Variants in CAPN13 observed in about 807,000 individuals in gnomAD.
The protein encoded by CAPN13 is calpain 13, also known as calpain-13.
CAPN13 carries 90 observed loss-of-function variants against 98.4 expected under a neutral mutation model. The observed-to-expected ratio is 0.92, with a 90% CI of 0.77 to 1.09. The LOEUF (loss-of-function observed/expected upper bound fraction) is 1.09. Among genes scored for constraint, CAPN13 ranks in the 50% least tolerant of loss-of-function variants. CAPN13 has a pLI of 0.00. For synonymous variants in CAPN13, 330 were observed against 305.5 expected (o/e 1.08, Z -0.84); for missense variants, 887 against 841.3 (o/e 1.05, Z -0.67).
At chr2:30,785,524 G>T (rs1674228717) in intron 2 of CAPN13, among the ~76,000 whole-genome samples, 1 of 152,168 alleles carries the variant, frequency 6.6e-6, no homozygotes, top group Non-Finnish European at 1.5e-5. Context: ...GGGAAAAGCA[G>T]ATTCGGCCCC....
intron 13 of CAPN13, among the ~76,000 whole-genome samples, chr2:30,742,897 T>C (rs778368071): frequency 6.6e-6 from 1 of 152,094 alleles, no homozygotes; most frequent in Non-Finnish European, 1.5e-5. Flanking sequence ...ATACCCCACA[T>C]TTCAGGCCAT....
chr2:30,781,551 A>G (rs1223901314), intron 2 of CAPN13, among the ~76,000 whole-genome samples: 2 of 152,162 alleles, frequency 1.3e-5, no homozygotes, highest in African/African-American at 4.8e-5. Flanking sequence ...TCAGGGCCTA[A>G]ACAGAAAAAA....
rs777881103 is a variant in CAPN13, at chr2:30,753,050, T to C, written c.1087+3A>G. 2.8e-5 allele frequency: 45 copies of C among 1,613,742 alleles called. No individual in the cohort carries two copies. The highest frequency in any genetic ancestry group is 3.6e-5 in the Non-Finnish European group (42 of 1,179,816). On this transcript the variant is annotated splice_donor_region_variant and intron_variant, in intron 10 of 22. Transcript: ENST00000295055. ...GCAGTGTGACCACCAGCGTCATGAT[T>C]ACCTGCAGTGTTTCCTAGAATCACT...
intron 3 of CAPN13, 23 bp downstream of exon 3, chr2:30,777,544 G>A: frequency 6.4e-7 from 1 of 1,555,310 alleles, no homozygotes; most frequent in Admixed American, 1.9e-5. Flanking sequence ...CCAGGGCACG[G>A]AGGGAAGATG....
At position 30,734,392 on chromosome 2, in the gene CAPN13, G is replaced by A. The variant is rs1406041317; in HGVS notation, c.1798+57C>T. On this transcript the variant is annotated intron_variant, in intron 19 of 22. Transcript: ENST00000295055. ...GTGCCAGCCTTGCTACTAGGGGTGT[G>A]GGCATCACCCCCCTCCCCGGACCTT... The A allele has an allele frequency of 2.9e-6, 4 of 1,358,024 alleles. No homozygotes were observed. In the African/African-American group the frequency reaches 5.7e-5, roughly 19 times the overall value. 84.1% of individuals were successfully genotyped at this position (1,358,024 alleles called of 1,614,324 possible).
At chr2:30,736,734 G>A in intron 17 of CAPN13, 163 bp from the exon 18 acceptor site, 1 of 629,500 alleles carries the variant, frequency 1.6e-6, no homozygotes, top group Non-Finnish European at 2.8e-6. Context: ...TGTCTGAAAG[G>A]GACCTGGCTT....
chr2:30,733,627 C>A (rs114982428), intron 19 of CAPN13, among the ~76,000 whole-genome samples: 1 of 152,006 alleles, frequency 6.6e-6, no homozygotes. Context: ...TTAACGAGCC[C>A]TGAAGAGTCC....
intron 7 of CAPN13, among the ~76,000 whole-genome samples, chr2:30,759,850 C>T (rs1672746657): frequency 6.6e-6 from 1 of 152,160 alleles, no homozygotes; most frequent in African/African-American, 2.4e-5. Context: ...CTGGTCAATT[C>T]CCATGCTCAG....
intron 1 of CAPN13, among the ~76,000 whole-genome samples, chr2:30,802,503 A>T: frequency 7.1e-6 from 1 of 141,704 alleles, no homozygotes. Context: ...GTGAATGTAA[A>T]CGTGTCTAAG....
intron 1 of CAPN13, among the ~76,000 whole-genome samples, chr2:30,787,887 C>A (rs568548962): frequency 9.2e-5 from 14 of 152,148 alleles, no homozygotes; most frequent in African/African-American, 3.4e-4. Flanking sequence ...GGGGCATGAT[C>A]AGATCTGTAC....
chr2:30,775,191 G>C (rs1673620577), intron 4 of CAPN13, among the ~76,000 whole-genome samples: 1 of 152,210 alleles, frequency 6.6e-6, no homozygotes, highest in Admixed American at 6.5e-5. Context: ...ATGGTAAGTA[G>C]TAGCTTTTCT....
intron 12 of CAPN13, among the ~76,000 whole-genome samples, chr2:30,744,818 T>C (rs1021595477): frequency 6.6e-6 from 1 of 152,146 alleles, no homozygotes; most frequent in African/African-American, 2.4e-5. Context: ...CTGACTCTAG[T>C]TCTAGGGATG....
At chr2:30,763,982 G>A (rs750782104) in intron 6 of CAPN13, 150 bp downstream of exon 6, 1 of 745,108 alleles carries the variant, frequency 1.3e-6, no homozygotes, top group Non-Finnish European at 2.2e-6. Flanking sequence ...CTACTGCAGG[G>A]TTCAATGGGG....
In CAPN13 at chr2:30,727,515, A is replaced by G. The variant is rs575316106; in HGVS notation, c.*30+3215T>C. 4.8e-4 allele frequency among the ~76,000 whole-genome samples: 73 copies of G among 152,296 alleles called. 3 individuals are homozygous for G. The South Asian group carries it at 0.015, about 31-fold the overall frequency. On this transcript the variant is annotated intron_variant, in intron 22 of 22. Coordinates refer to ENST00000295055, the MANE Select transcript of CAPN13 (RefSeq NM_144575.3). Reference sequence around the variant, plus strand: ...TAAAAATGGACAAAGAACTAAATGAACATTTCGCCGAAGATATAAAATAAC... The same window carrying G: ...TAAAAATGGACAAAGAACTAAATGAGCATTTCGCCGAAGATATAAAATAAC...
intron 11 of CAPN13, among the ~76,000 whole-genome samples, chr2:30,750,052 T>A (rs1479729330): frequency 6.6e-6 from 1 of 152,148 alleles, no homozygotes; most frequent in East Asian, 1.9e-4. Flanking sequence ...AGACATGGAA[T>A]CAACCTAAAT....
At chr2:30,728,372 G>C (rs533682237) in intron 22 of CAPN13, among the ~76,000 whole-genome samples, 2 of 152,192 alleles carry the variant, frequency 1.3e-5, no homozygotes, top group Admixed American at 6.5e-5. Context: ...CTACAACCAA[G>C]TGTGTTGAAT....
At chr2:30,776,717 G>T (rs1444393247) in intron 3 of CAPN13, among the ~76,000 whole-genome samples, 1 of 152,108 alleles carries the variant, frequency 6.6e-6, no homozygotes, top group East Asian at 1.9e-4. Flanking sequence ...AAGCCCTTTT[G>T]AGCCTCTCCT....
chr2:30,802,030 A>G (rs17010338), intron 1 of CAPN13, among the ~76,000 whole-genome samples: 6,851 of 152,250 alleles, frequency 0.045, 549 homozygotes, highest in African/African-American at 0.16. Flanking sequence ...AAAGGACAGT[A>G]GAGCCGGCTG....
At chr2:30,757,984 A>T in intron 8 of CAPN13, 62 bp downstream of exon 8, 1 of 1,279,484 alleles carries the variant, frequency 7.8e-7, no homozygotes, top group South Asian at 1.4e-5. Flanking sequence ...TCTCATGGGC[A>T]GGAGGCTCTA....
Sources: gnomAD v4.1 joint callset for allele counts (sites outside exome capture counted in the v4.1 genomes callset) on GRCh38, gnomAD v4.1.1 for gene constraint, MANE v1.5 for transcripts, NCBI Gene and HGNC (gene_info 2026-07-23, HGNC 2026-07-21) for gene names.